Variants in PTN observed in about 807,000 individuals in gnomAD.
The protein encoded by PTN is pleiotrophin, also known as heparin affin regulatory protein.
In PTN, 18 loss-of-function variants were observed where a neutral mutation model predicts 24.1. That is an observed-to-expected ratio of 0.75 (90% confidence interval 0.52 to 1.11). The LOEUF is 1.11. PTN is among the 50% of genes least tolerant of loss of function. The probability of loss-of-function intolerance (pLI) is 0.00; values close to 1 mark genes in which losing one functional copy is unlikely to be tolerated. For synonymous variants in PTN, 78 were observed against 68.6 expected, an observed-to-expected ratio of 1.14 and a Z score of -0.67; for missense variants, 163 against 198.8, an observed-to-expected ratio of 0.82 and a Z score of 1.08.
At chr7:137,266,684 T>G (rs1230040407) in intron 1 of PTN, among the ~76,000 whole-genome samples, 3 of 151,664 alleles carry the variant, frequency 2.0e-5, no homozygotes, top group Non-Finnish European at 2.9e-5. Flanking sequence ...AAAGCGAACT[T>G]TCTTTATGTC....
At chr7:137,261,990 T>A (rs1585018028) in intron 1 of PTN, among the ~76,000 whole-genome samples, 1 of 151,984 alleles carries the variant, frequency 6.6e-6, no homozygotes, top group East Asian at 2.0e-4. Flanking sequence ...ATAATATCTT[T>A]AGGTTCTATG....
intron 1 of PTN, among the ~76,000 whole-genome samples, chr7:137,294,836 G>C (rs1235246246): frequency 6.6e-6 from 1 of 152,176 alleles, no homozygotes; most frequent in Non-Finnish European, 1.5e-5. Flanking sequence ...TGTGGGATTA[G>C]ATATGGGTGT....
chr7:137,325,041 A>C (rs538951802), intron 1 of PTN, among the ~76,000 whole-genome samples: 1 of 152,264 alleles, frequency 6.6e-6, no homozygotes, highest in Non-Finnish European at 1.5e-5. Flanking sequence ...CTGATTTGTC[A>C]AAGGAAACAG....
At chr7:137,254,665 T>A (rs1585014384) in intron 2 of PTN, among the ~76,000 whole-genome samples, 194 bp downstream of exon 2, 1 of 152,192 alleles carries the variant, frequency 6.6e-6, no homozygotes, top group South Asian at 2.1e-4. Flanking sequence ...AATCCAAGAC[T>A]TACAATGGGA....
At chr7:137,280,691 T>TAACAAAAAAA (rs760779128) in intron 1 of PTN, among the ~76,000 whole-genome samples, 197 of 14,722 alleles carry the variant, frequency 0.013, 21 homozygotes, top group South Asian at 0.042. Context: ...CCGTCTCTAC[T>TAACAAAAAAA]AAAAATACAA....
chr7:137,297,833 A>C (rs182576030), intron 1 of PTN, among the ~76,000 whole-genome samples: 202 of 152,120 alleles, frequency 1.3e-3, no homozygotes, highest in African/African-American at 4.6e-3. Flanking sequence ...TGGAGGTGCA[A>C]ATAGAAGATA....
At chr7:137,285,240 T>C (rs1809534407) in intron 1 of PTN, among the ~76,000 whole-genome samples, 1 of 152,224 alleles carries the variant, frequency 6.6e-6, no homozygotes, top group Admixed American at 6.5e-5. Context: ...AACTCATGCA[T>C]AGATAATAGG....
At chr7:137,293,389 G>T (rs558477040) in intron 1 of PTN, among the ~76,000 whole-genome samples, 3 of 152,250 alleles carry the variant, frequency 2.0e-5, no homozygotes, top group South Asian at 4.1e-4. Flanking sequence ...TACTGAGGAA[G>T]AATTTAAAAA....
intron 1 of PTN, among the ~76,000 whole-genome samples, chr7:137,288,171 G>A (rs1035262437): frequency 6.6e-6 from 1 of 152,138 alleles, no homozygotes; most frequent in Non-Finnish European, 1.5e-5. Context: ...TGAGATGAAG[G>A]TCTCAAAGTG....
At chr7:137,246,035 G>A (rs1158181396) in intron 4 of PTN, among the ~76,000 whole-genome samples, 1 of 152,128 alleles carries the variant, frequency 6.6e-6, no homozygotes, top group Non-Finnish European at 1.5e-5. Flanking sequence ...TGTAGCTTAA[G>A]TGTACTGTGT....
At chr7:137,311,408 T>C (rs767122314) in intron 1 of PTN, among the ~76,000 whole-genome samples, 14 of 152,168 alleles carry the variant, frequency 9.2e-5, no homozygotes, top group Non-Finnish European at 2.1e-4. Flanking sequence ...GTAATATTTT[T>C]AATCTTCTTC....
chr7:137,339,259 C>T lies in PTN; in HGVS notation c.-2+4180G>A, dbSNP rs139261089. On this transcript the variant is annotated intron_variant, in intron 1 of 4. Transcript: ENST00000348225. ...TAAAGAATTTCACAAGTTCACACCA[C>T]GTACCAAACACAAAGTATTAGATAT... 6.5e-3 allele frequency among the ~76,000 whole-genome samples: 982 copies of T among 152,126 alleles called. 5 individuals carry two copies. The highest frequency in any genetic ancestry group is 0.013 in the African/African-American group (526 of 41,502).
chr7:137,304,019 G>C (rs1809847485), intron 1 of PTN, among the ~76,000 whole-genome samples: 1 of 151,966 alleles, frequency 6.6e-6, no homozygotes, highest in Non-Finnish European at 1.5e-5. Flanking sequence ...GCAGTCTTCT[G>C]TACCTAGACT....
At chr7:137,253,388 C>T in intron 3 of PTN, 76 bp downstream of exon 3, 3 of 1,417,636 alleles carry the variant, frequency 2.1e-6, no homozygotes, top group Non-Finnish European at 1.9e-6. Flanking sequence ...AAGTACTTAT[C>T]CTTAAAAAGA....
intron 4 of PTN, among the ~76,000 whole-genome samples, chr7:137,233,045 T>A (rs966327855): frequency 6.6e-6 from 1 of 151,976 alleles, no homozygotes; most frequent in Admixed American, 6.6e-5. Context: ...AATGGGCTAA[T>A]ACAGTAAATG....
intron 1 of PTN, among the ~76,000 whole-genome samples, chr7:137,320,388 T>G (rs1419761302): frequency 1.3e-5 from 2 of 151,956 alleles, no homozygotes; most frequent in Non-Finnish European, 2.9e-5. Context: ...AACTCACTCA[T>G]CTACTGTAGT....
chr7:137,249,187 C>A (rs1216604992), intron 4 of PTN, among the ~76,000 whole-genome samples: 2 of 152,086 alleles, frequency 1.3e-5, no homozygotes, highest in African/African-American at 4.8e-5. Context: ...GCCCCACCAT[C>A]TTCCACCTAA....
At chr7:137,339,441 G>A (rs543383896) in intron 1 of PTN, among the ~76,000 whole-genome samples, 2 of 151,952 alleles carry the variant, frequency 1.3e-5, no homozygotes, top group South Asian at 2.1e-4. Flanking sequence ...GTAGGACCCC[G>A]AGACGATGTG....
At chr7:137,297,858 T>C (rs1809743003) in intron 1 of PTN, among the ~76,000 whole-genome samples, 1 of 151,546 alleles carries the variant, frequency 6.6e-6, no homozygotes, top group African/African-American at 2.4e-5. Flanking sequence ...GAAGAGCTGA[T>C]AAGTTAGATC....
Sources: allele counts gnomAD v4.1 joint callset (sites outside exome capture counted in the v4.1 genomes callset), GRCh38; gene constraint gnomAD v4.1.1; transcripts MANE v1.5; gene names NCBI Gene and HGNC (gene_info 2026-07-23, HGNC 2026-07-21).